Variants in NIPAL4 observed in about 807,000 individuals in gnomAD.
The protein encoded by NIPAL4 is magnesium transporter NIPA4.
NIPAL4 carries 21 observed loss-of-function variants against 31.6 expected under a neutral mutation model. The ratio of observed to expected loss-of-function variants is 0.67; its 90% CI spans 0.47 to 0.96. NIPAL4 has a LOEUF of 0.96. Among genes scored for constraint, NIPAL4 ranks in the 40% least tolerant of loss-of-function variants. The pLI is 0.00. For missense variants in NIPAL4, 438 were observed against 508.0 expected, an observed-to-expected ratio of 0.86 and a Z score of 1.32; for synonymous variants, 175 against 211.1, an observed-to-expected ratio of 0.83 and a Z score of 1.48.
At chr5:157,462,999 G>T (rs765262141) in intron 1 of NIPAL4, 95 bp from the exon 2 acceptor site, 2 of 1,509,266 alleles carry the variant, frequency 1.3e-6, no homozygotes, top group Admixed American at 3.6e-5. Flanking sequence ...CTGCAGTAGC[G>T]GAAGCACAGG....
chr5:157,467,736 T>C lies in NIPAL4; in HGVS notation c.334+631T>C, dbSNP rs539703798. ...CAGCAGAGAGATGGAAAAAGACACT[T>C]TTCTGATAACCACACACAGCTATCA... On this transcript the variant is annotated intron_variant, in intron 3 of 5. Coordinates refer to ENST00000311946, the MANE Select transcript of NIPAL4 (RefSeq NM_001099287.2). The C allele has an allele frequency of 3.9e-4, 61 of 156,076 alleles. 1 individual carries two copies. Among genetic ancestry groups the C allele is most frequent in the Non-Finnish European group, 7.3e-4 (51 of 70,244 alleles). 9.7% of individuals were successfully genotyped at this position (156,076 alleles called of 1,614,324 possible). A position where few individuals can be genotyped will look rare whatever the true frequency, so the allele number is the denominator to read the frequency against.
At chr5:157,466,946 A>G (rs1370881807) in intron 2 of NIPAL4, 103 bp from the exon 3 acceptor site, 2 of 838,858 alleles carry the variant, frequency 2.4e-6, no homozygotes, top group Non-Finnish European at 4.0e-6. Flanking sequence ...CCAAGCCTCA[A>G]GGAGCAGCCC....
rs779508072 is a variant in NIPAL4 at position 157,468,777 on chromosome 5, C to T, written c.390C>T (p.Val130=). 1.3e-5 allele frequency: 21 copies of T among 1,610,486 alleles called. No homozygotes were observed. The highest frequency in any genetic ancestry group is 1.7e-5 in the Admixed American group (1 of 59,742). The part of the protein sequence containing the change: ...FGAYAFAPAT[V]VTPLGALSVL... ...CCTACGCATTTGCACCTGCAACAGT[C>T]GTCACGCCTCTGGGAGCGCTGAGTG... The change falls in exon 4 of 6, where the codon GTC becomes GTT. Residue 130 remains valine (V), a synonymous_variant. Transcript: ENST00000311946.
At position 157,460,224 on chromosome 5, in the gene NIPAL4, C is replaced by G. The variant is rs1390597588; in HGVS notation, c.-97C>G. The G allele has an allele frequency of 1.3e-6, 2 of 1,496,092 alleles. No homozygotes were observed. Among genetic ancestry groups the G allele is most frequent in the South Asian group, 2.7e-5 (2 of 75,122 alleles). 92.7% of individuals were successfully genotyped at this position (1,496,092 alleles called of 1,614,324 possible). On this transcript the variant is annotated 5_prime_UTR_variant, in exon 1 of 6. Coordinates refer to ENST00000311946, the MANE Select transcript of NIPAL4 (RefSeq NM_001099287.2). ...GTCCGGACCCCGGCGGCTTCTCGCGCGCGAGCCACGCGGGGGACAAGTCGC... is the reference window on the plus strand; with the variant it reads ...GTCCGGACCCCGGCGGCTTCTCGCGGGCGAGCCACGCGGGGGACAAGTCGC...
intron 2 of NIPAL4, among the ~76,000 whole-genome samples, chr5:157,465,934 A>G (rs1754260325): frequency 6.6e-6 from 1 of 152,098 alleles, no homozygotes; most frequent in Non-Finnish European, 1.5e-5. Context: ...TTGAGGCTTC[A>G]TTGAGCTATG....
At chr5:157,460,718 A>G (rs1042164626) in intron 1 of NIPAL4, 3 of 475,468 alleles carry the variant, frequency 6.3e-6, no homozygotes, top group South Asian at 3.3e-5. Flanking sequence ...GTACCTGCGC[A>G]GTTTGGGCTT....
chr5:157,460,492 C>G (rs1007151986), intron 1 of NIPAL4, 135 bp downstream of exon 1: 1 of 861,790 alleles, frequency 1.2e-6, no homozygotes, highest in Non-Finnish European at 1.9e-6. Context: ...CGAGGTGGCT[C>G]CCACCCAGCT....
At position 157,463,210 on chromosome 5, in the gene NIPAL4, C is replaced by G. The variant is rs774584252; in HGVS notation, c.154C>G (p.Gln52Glu). ...TCACAGCTGGCAGGAAAGAATCAGG[C>G]AGAACTATGGCTTCTACATCGGCCT... ...TFHSWQERIR[Q>E]NYGFYIGLGL... Residue 52 changes from glutamine to glutamate, a missense_variant, in exon 2 of 6, where the codon CAG (glutamine) becomes GAG (glutamate). Gln to Glu is a conservative substitution (Grantham distance 29). Coordinates refer to ENST00000311946, the MANE Select transcript of NIPAL4 (RefSeq NM_001099287.2). 3.1e-6 allele frequency: 5 copies of G among 1,614,044 alleles called. No individual in the cohort carries two copies. In the East Asian group the frequency reaches 1.1e-4, roughly 36 times the overall value.
chr5:157,471,728 T>G lies in NIPAL4; in HGVS notation c.497T>G (p.Val166Gly). The G allele has an allele frequency of 6.2e-7, 1 of 1,607,878 alleles. No homozygotes were observed. The highest frequency in any genetic ancestry group is 2.2e-5 in the East Asian group (1 of 44,756). The change falls in exon 5 of 6, where the codon GTG becomes GGG. Residue 166 changes from valine to glycine, a missense_variant. Transcript: ENST00000311946. Reference protein sequence around the residue: ...LLGKLGCVICVAGSTVMVIHA... With the variant: ...LLGKLGCVICGAGSTVMVIHA... ...GGGAAGCTGGGCTGTGTGATCTGTGTGGCCGGAAGCACAGTGATGGTGATA... is the reference window on the plus strand; with the variant it reads ...GGGAAGCTGGGCTGTGTGATCTGTGGGGCCGGAAGCACAGTGATGGTGATA...
intron 2 of NIPAL4, among the ~76,000 whole-genome samples, chr5:157,465,310 C>A (rs1754242296): frequency 6.6e-6 from 1 of 152,100 alleles, no homozygotes; most frequent in African/African-American, 2.4e-5. Context: ...CCATTTTTTT[C>A]TCCAATCTAC....
intron 4 of NIPAL4, among the ~76,000 whole-genome samples, chr5:157,469,346 C>A (rs939148462): frequency 2.0e-5 from 3 of 152,182 alleles, no homozygotes; most frequent in Non-Finnish European, 4.4e-5. Context: ...TGGGACCAAA[C>A]AATAACCACA....
intron 1 of NIPAL4, among the ~76,000 whole-genome samples, chr5:157,462,198 CAG>C (rs1228833069): frequency 1.3e-5 from 2 of 152,178 alleles, no homozygotes; most frequent in African/African-American, 2.4e-5. Flanking sequence ...TGGGGAACTG[CAG>C]AGAGTATGTC....
chr5:157,468,055 C>G (rs552536056), intron 3 of NIPAL4: 1 of 151,794 alleles, frequency 6.6e-6, no homozygotes, highest in Non-Finnish European at 1.5e-5. Context: ...CAGGCATGCA[C>G]CACCACGCCT....
At chr5:157,462,292 T>C (rs1475095059) in intron 1 of NIPAL4, among the ~76,000 whole-genome samples, 5 of 152,184 alleles carry the variant, frequency 3.3e-5, no homozygotes, top group African/African-American at 7.2e-5. Flanking sequence ...GATCTGATTT[T>C]TCACCGTAGC....
At chr5:157,472,181 T>C in intron 5 of NIPAL4, 151 bp from the exon 6 acceptor site, 1 of 734,022 alleles carries the variant, frequency 1.4e-6, no homozygotes, top group Non-Finnish European at 2.3e-6. Context: ...AACCAAGTTA[T>C]TAGGAAGTCA....
At position 157,472,612 on chromosome 5, in the gene NIPAL4, C is replaced by T. The variant is rs377161590; in HGVS notation, c.867C>T (p.Phe289=). ...TCCTCAACAGAGCACTGGACATTTT[C>T]AACACTTCCCTGGTGTTCCCCATCT... ...VNFLNRALDI[F]NTSLVFPIYY... is the part of the protein sequence containing the mutation. Residue 289 remains phenylalanine (F), a synonymous_variant, in exon 6 of 6, where the codon TTC becomes TTT. Coordinates refer to ENST00000311946, the MANE Select transcript of NIPAL4 (RefSeq NM_001099287.2). 6.2e-6 allele frequency: 10 copies of T among 1,613,970 alleles called. No individual in the cohort carries two copies. Among genetic ancestry groups the T allele is most frequent in the Non-Finnish European group, 8.5e-6 (10 of 1,179,884 alleles).
In NIPAL4 at chr5:157,473,124, C is replaced by A; in HGVS notation, c.*164C>A. On this transcript the variant is annotated 3_prime_UTR_variant, in exon 6 of 6. Transcript: ENST00000311946. ...TGTTTCCAGGAGAAAAATCTTTACC[C>A]AAATAGCAATGGTGGCAGAACTTCC... 3.7e-6 allele frequency: 2 copies of A among 539,774 alleles called. No homozygotes were observed. Among genetic ancestry groups the A allele is most frequent in the Non-Finnish European group, 6.0e-6 (2 of 332,934 alleles). 33.4% of individuals were successfully genotyped at this position (539,774 alleles called of 1,614,324 possible). A position where few individuals can be genotyped will look rare whatever the true frequency, so the allele number is the denominator to read the frequency against.
At position 157,473,575 on chromosome 5, in the gene NIPAL4, G is replaced by GA. The variant is rs537436748; in HGVS notation, c.*620dup. Reference sequence around the variant, plus strand: ...TGTGAAAGCCACTTGATGTCTCAGGGAAAAATTTCAACCAGCTCATTCCCC... The same window carrying GA: ...TGTGAAAGCCACTTGATGTCTCAGGGAAAAAATTTCAACCAGCTCATTCCCC... On this transcript the variant is annotated 3_prime_UTR_variant, in exon 6 of 6. Transcript: ENST00000311946. The GA allele has an allele frequency of 1.7e-3, 259 of 152,308 alleles. 4 individuals are homozygous for GA. Among genetic ancestry groups the GA allele is most frequent in the Non-Finnish European group, 1.2e-3 (85 of 68,046 alleles). The allele number at this position is 152,308 out of a possible 1,614,324, so 9.4% of individuals were successfully genotyped here. A position where few individuals can be genotyped will look rare whatever the true frequency, so the allele number is the denominator to read the frequency against.
intron 5 of NIPAL4, 40 bp downstream of exon 5, chr5:157,471,857 G>T (rs1371396627): frequency 2.0e-6 from 3 of 1,493,390 alleles, no homozygotes; most frequent in Non-Finnish European, 2.7e-6. Flanking sequence ...AATACTGGAG[G>T]TTGAACACCC....
Sources: allele counts gnomAD v4.1 joint callset (sites outside exome capture counted in the v4.1 genomes callset), GRCh38; gene constraint gnomAD v4.1.1; transcripts MANE v1.5; gene names NCBI Gene and HGNC (gene_info 2026-07-23, HGNC 2026-07-21).